The following IL4R variants were observed in gnomAD, a reference collection of about 807,000 sequenced individuals.
IL4R encodes the protein interleukin-4 receptor subunit alpha.
IL4R carries 17 observed loss-of-function variants against 41.5 expected under a neutral mutation model. The observed-to-expected ratio is 0.41, with a 90% CI of 0.28 to 0.61. The LOEUF (loss-of-function observed/expected upper bound fraction) is 0.61, where lower values mean the gene tolerates loss of function less well. IL4R is among the 20% of genes least tolerant of loss of function. The pLI, the probability that IL4R is intolerant of heterozygous loss-of-function variation, is 0.31. For synonymous variants in IL4R, 402 were observed against 422.9 expected (o/e 0.95, Z 0.61); for missense variants, 974 against 1,043.1 (o/e 0.93, Z 0.91).
intron 1 of IL4R, 161 bp downstream of exon 1, chr16:27,314,181 C>A (rs1428461912): frequency 2.3e-6 from 2 of 883,314 alleles, no homozygotes; most frequent in East Asian, 2.4e-4. Flanking sequence ...CGCGGAGCAG[C>A]GCCCGGTTCC....
chr16:27,338,583 A>G (rs780590902), intron 2 of IL4R, among the ~76,000 whole-genome samples: 9 of 151,996 alleles, frequency 5.9e-5, no homozygotes, highest in Non-Finnish European at 1.3e-4. Context: ...CCCCAAATTC[A>G]TATGTTGAAA....
In IL4R at chr16:27,345,710, C is replaced by G. The variant is rs184360173; in HGVS notation, c.361+690C>G. 1.1e-3 allele frequency: 171 copies of G among 156,010 alleles called. No homozygotes were observed. The highest frequency in any genetic ancestry group is 3.8e-3 in the Admixed American group (61 of 15,998). The allele number at this position is 156,010 out of a possible 1,614,324, so 9.7% of individuals were successfully genotyped here. A position where few individuals can be genotyped will look rare whatever the true frequency, so the allele number is the denominator to read the frequency against. The stretch of plus-strand genomic sequence containing the variant: ...TTGAGGCCGGGTGTGGTGGTTCATG[C>G]CTATAATCCCAGCACTTTGGGAGGC... On this transcript the variant is annotated intron_variant, in intron 5 of 10. Coordinates refer to ENST00000395762, the MANE Select transcript of IL4R (RefSeq NM_000418.4). This position sits in a 1 kb window ranked among gnomAD's most constrained non-coding sequence, Gnocchi z 4.5.
intron 1 of IL4R, among the ~76,000 whole-genome samples, chr16:27,320,713 A>G (rs1236525737): frequency 2.6e-5 from 4 of 152,160 alleles, no homozygotes; most frequent in South Asian, 2.1e-4. Flanking sequence ...GAGAAGGCCT[A>G]TGTTTTCCTG....
chr16:27,320,128 A>G (rs1168308598), intron 1 of IL4R, among the ~76,000 whole-genome samples: 1 of 151,926 alleles, frequency 6.6e-6, no homozygotes, highest in African/African-American at 2.4e-5. Flanking sequence ...CAGTCTCCCA[A>G]AGTGCTGGGA....
chr16:27,350,876 G>C lies in IL4R; in HGVS notation c.514-1664G>C, dbSNP rs113721336. 1.3e-5 allele frequency among the ~76,000 whole-genome samples: 2 copies of C among 152,176 alleles called. 1 individual carries two copies. Among genetic ancestry groups the C allele is most frequent in the Admixed American group, 1.3e-4 (2 of 15,286 alleles). On this transcript the variant is annotated intron_variant, in intron 6 of 10. Transcript: ENST00000395762. ...GGAGGCAAGGTTAGGGCAGGCAGAGGGCATGTGCATCCTTTAGAGAGAGCT... is the reference window on the plus strand; with the variant it reads ...GGAGGCAAGGTTAGGGCAGGCAGAGCGCATGTGCATCCTTTAGAGAGAGCT...
chr16:27,344,270 A>C (rs1469624405), intron 4 of IL4R, among the ~76,000 whole-genome samples: 1 of 151,056 alleles, frequency 6.6e-6, no homozygotes, highest in Non-Finnish European at 1.5e-5. Context: ...ACATCACTGT[A>C]CTCTAGCCTG....
At chr16:27,333,279 T>C (rs1306764999) in intron 2 of IL4R, among the ~76,000 whole-genome samples, 4 of 151,994 alleles carry the variant, frequency 2.6e-5, no homozygotes, top group Non-Finnish European at 4.4e-5. Flanking sequence ...ACTTTTCTGC[T>C]GCTCAGTCAG....
At chr16:27,334,406 A>C in intron 2 of IL4R, 1 of 152,156 alleles carries the variant, frequency 6.6e-6, no homozygotes, top group Non-Finnish European at 1.5e-5. Flanking sequence ...GTGTGTGTGC[A>C]CATGGGCATG....
At chr16:27,351,741 C>T (rs929718679) in intron 6 of IL4R, among the ~76,000 whole-genome samples, 18 of 152,276 alleles carry the variant, frequency 1.2e-4, no homozygotes, top group Middle Eastern at 3.4e-3. Flanking sequence ...TCTTGAACTC[C>T]TCACCTCAAG....
chr16:27,323,692 G>A (rs930146752), intron 1 of IL4R, among the ~76,000 whole-genome samples: 2 of 151,670 alleles, frequency 1.3e-5, no homozygotes, highest in African/African-American at 4.8e-5. Flanking sequence ...GTCTCACTCT[G>A]TTGCCCAGGC....
intron 7 of IL4R, 68 bp downstream of exon 7, chr16:27,352,764 C>A: frequency 6.7e-7 from 1 of 1,501,204 alleles, no homozygotes; most frequent in Non-Finnish European, 9.2e-7. Flanking sequence ...CCAGACACTT[C>A]CCCTGGCTGA....
chr16:27,335,134 C>T (rs2085225036), intron 2 of IL4R, among the ~76,000 whole-genome samples: 1 of 151,958 alleles, frequency 6.6e-6, no homozygotes. Flanking sequence ...TTGGCAGGAA[C>T]CCAGGAAAAG....
chr16:27,313,766 G>A, upstream of IL4R: 1 of 280,568 alleles, frequency 3.6e-6, no homozygotes, highest in Non-Finnish European at 5.4e-6. Flanking sequence ...AGGAGAGGAC[G>A]GCGGCTCGGA....
chr16:27,351,804 C>G (rs146326076), intron 6 of IL4R, among the ~76,000 whole-genome samples: 1 of 152,290 alleles, frequency 6.6e-6, no homozygotes, highest in African/African-American at 2.4e-5. Context: ...CATGAGCCAC[C>G]ATGCCCAGCC....
At position 27,325,187 on chromosome 16, in the gene IL4R, G is replaced by A. The variant is rs191880160; in HGVS notation, c.-151-4879G>A. ...CTTGCTCCAGCCAAGGGCCCCGCTTGTAGGGTGGGAAGTGGGCCGTGCCCT... is the reference window on the plus strand; with the variant it reads ...CTTGCTCCAGCCAAGGGCCCCGCTTATAGGGTGGGAAGTGGGCCGTGCCCT... On this transcript the variant is annotated intron_variant, in intron 1 of 10. Coordinates refer to ENST00000395762, the MANE Select transcript of IL4R (RefSeq NM_000418.4). 4.0e-3 allele frequency among the ~76,000 whole-genome samples: 612 copies of A among 151,136 alleles called. 7 individuals carry two copies. Among genetic ancestry groups the A allele is most frequent in the Non-Finnish European group, 4.4e-3 (294 of 67,294 alleles).
Position 27,362,963 on chromosome 16 carries a change from T to G in IL4R, c.1611T>G (p.Ser537=). The G allele has an allele frequency of 3.1e-6, 5 of 1,614,152 alleles. No homozygotes were observed. Among genetic ancestry groups the G allele is most frequent in the Non-Finnish European group, 4.2e-6 (5 of 1,180,028 alleles). ...EPEMPCVPQL[S]EPTTVPQPEP... ...AGATGCCCTGTGTCCCCCAGCTCTC[T>G]GAGCCAACCACTGTGCCCCAACCTG... Residue 537 remains serine, a synonymous_variant, in exon 11 of 11, where the codon TCT becomes TCG. Coordinates refer to ENST00000395762, the MANE Select transcript of IL4R (RefSeq NM_000418.4).
chr16:27,327,150 C>T (rs1350440860), intron 1 of IL4R, among the ~76,000 whole-genome samples: 2 of 152,128 alleles, frequency 1.3e-5, no homozygotes, highest in Non-Finnish European at 2.9e-5. Context: ...AGCCCCCACC[C>T]GAGGCCCCTG....
chr16:27,338,924 A>G (rs2085347996), intron 2 of IL4R, among the ~76,000 whole-genome samples: 1 of 151,706 alleles, frequency 6.6e-6, no homozygotes, highest in Admixed American at 6.6e-5. Flanking sequence ...CGCGATCTCG[A>G]CTCACTGCAA....
chr16:27,317,422 C>T (rs2084679852), intron 1 of IL4R, among the ~76,000 whole-genome samples: 1 of 152,158 alleles, frequency 6.6e-6, no homozygotes, highest in African/African-American at 2.4e-5. Context: ...TCTGAGTTTT[C>T]CTCCTGGCTG....
Sources: gnomAD v4.1 joint callset for allele counts (sites outside exome capture counted in the v4.1 genomes callset) on GRCh38, gnomAD v4.1.1 for gene constraint, Gnocchi (gnomAD v3.1) non-coding constraint, MANE v1.5 for transcripts, NCBI Gene and HGNC (gene_info 2026-07-23, HGNC 2026-07-21) for gene names.